Variants in MSI2 observed in about 807,000 individuals in gnomAD.
MSI2 encodes the protein musashi RNA binding protein 2.
MSI2 carries 17 observed loss-of-function variants against 45.6 expected under a neutral mutation model. That is an observed-to-expected ratio of 0.37 (90% CI 0.26 to 0.56). MSI2 has a LOEUF of 0.56. MSI2 is among the 20% of genes least tolerant of loss of function. MSI2 has a pLI of 0.77. For missense variants in MSI2, 293 were observed against 444.2 expected (o/e 0.66, Z 3.06); for synonymous variants, 156 against 158.2 (o/e 0.99, Z 0.11).
chr17:57,614,995 T>C (rs1907539481), intron 8 of MSI2, among the ~76,000 whole-genome samples: 1 of 152,190 alleles, frequency 6.6e-6, no homozygotes, highest in African/African-American at 2.4e-5. Context: ...TTTAATCTTA[T>C]TACTTCCCTC....
intron 5 of MSI2, among the ~76,000 whole-genome samples, chr17:57,317,106 T>C (rs1328731908): frequency 6.6e-6 from 1 of 152,160 alleles, no homozygotes; most frequent in Non-Finnish European, 1.5e-5. Context: ...GCATGCCACC[T>C]AGACTAGGGG....
chr17:57,418,333 T>A (rs551957366), intron 6 of MSI2, among the ~76,000 whole-genome samples: 1 of 152,264 alleles, frequency 6.6e-6, no homozygotes, highest in African/African-American at 2.4e-5. Flanking sequence ...GGCATGGCTA[T>A]GCTCATTTGA....
At chr17:57,458,402 A>G (rs1052826080) in intron 6 of MSI2, among the ~76,000 whole-genome samples, 3 of 152,184 alleles carry the variant, frequency 2.0e-5, no homozygotes, top group Non-Finnish European at 4.4e-5. Context: ...GCCCGGCCAC[A>G]TATTTTTAAT....
intron 8 of MSI2, among the ~76,000 whole-genome samples, chr17:57,612,923 G>A (rs1161534018): frequency 2.0e-5 from 3 of 152,108 alleles, no homozygotes; most frequent in South Asian, 2.1e-4. Context: ...TGCGAGACAC[G>A]CCCATCTTCC....
chr17:57,260,106 T>C (rs557497148), intron 4 of MSI2: 1 of 152,332 alleles, frequency 6.6e-6, no homozygotes, highest in Admixed American at 6.5e-5. Flanking sequence ...CTAGAGGACT[T>C]GTAGATACAG....
chr17:57,416,155 T>G (rs1447263795), intron 6 of MSI2, among the ~76,000 whole-genome samples: 1 of 152,166 alleles, frequency 6.6e-6, no homozygotes, highest in Non-Finnish European at 1.5e-5. Context: ...ACCATCTTAA[T>G]GGTGGTGTCC....
intron 6 of MSI2, among the ~76,000 whole-genome samples, chr17:57,512,888 G>A (rs1017307463): frequency 4.6e-5 from 7 of 151,640 alleles, no homozygotes; most frequent in Non-Finnish European, 1.0e-4. Flanking sequence ...TGACCAGCTC[G>A]CTGAGGATGT....
rs1043700817 is a variant in MSI2, at chr17:57,495,201, C to T, written c.406-34475C>T. The stretch of plus-strand genomic sequence containing the variant: ...TTACCCACTGAGTTAATGTCCAAAC[C>T]GGGTCAAGAACCTGGGGATCCTCAC... On this transcript the variant is annotated intron_variant, in intron 6 of 13. Transcript: ENST00000284073. Among the ~76,000 whole-genome samples, 19 of 152,168 alleles carry T rather than the reference C, an allele frequency of 1.2e-4. 1 individual carries two copies. Among genetic ancestry groups the T allele is most frequent in the Admixed American group, 5.9e-4 (9 of 15,294 alleles).
chr17:57,485,623 C>T (rs932441420), intron 6 of MSI2, among the ~76,000 whole-genome samples: 2 of 152,188 alleles, frequency 1.3e-5, no homozygotes, highest in Non-Finnish European at 2.9e-5. Flanking sequence ...TCCTGCAGAC[C>T]TTCACGGAGC....
At chr17:57,509,313 G>C (rs2086301061) in intron 6 of MSI2, among the ~76,000 whole-genome samples, 1 of 152,148 alleles carries the variant, frequency 6.6e-6, no homozygotes, top group Non-Finnish European at 1.5e-5. Context: ...GAGGGGGAGA[G>C]TGAGGAAGAA....
the MSI2 span, among the ~76,000 whole-genome samples, chr17:57,696,231 A>G: frequency 6.6e-6 from 1 of 152,166 alleles, no homozygotes; most frequent in Admixed American, 6.5e-5. Context: ...TCCTCCCGCC[A>G]TGTTGGGAGA....
At position 57,325,791 on chromosome 17, in the gene MSI2, C is replaced by A. The variant is rs903739189; in HGVS notation, c.312+63599C>A. 3.3e-5 allele frequency among the ~76,000 whole-genome samples: 5 copies of A among 152,184 alleles called. 1 individual carries two copies. Among genetic ancestry groups the A allele is most frequent in the South Asian group, 4.1e-4 (2 of 4,826 alleles). On this transcript the variant is annotated intron_variant, in intron 5 of 13. Coordinates refer to ENST00000284073, the MANE Select transcript of MSI2 (RefSeq NM_138962.4). ...GATCAGATCAAATTCTTAAGGGGCT[C>A]CCATACGGATGCCTGCCGTACCAAG...
At chr17:57,585,296 G>A (rs1210414280) in intron 7 of MSI2, among the ~76,000 whole-genome samples, 1 of 152,206 alleles carries the variant, frequency 6.6e-6, no homozygotes, top group Non-Finnish European at 1.5e-5. Context: ...AGAGACAAAA[G>A]TAAGCATGTG....
In MSI2 at chr17:57,652,221, C is replaced by A; in HGVS notation, c.790+60C>A. 4 of 1,502,712 alleles carry A rather than the reference C, an allele frequency of 2.7e-6. No individual in the cohort carries two copies. The South Asian group carries it at 4.5e-5, about 17-fold the overall frequency. 93.1% of individuals were successfully genotyped at this position (1,502,712 alleles called of 1,614,324 possible). A position where few individuals can be genotyped will look rare whatever the true frequency, so the allele number is the denominator to read the frequency against. The stretch of plus-strand genomic sequence containing the variant: ...ATGCCCCCAGTGTGCAGGGGGAGGT[C>A]AAGGCCCTGTCGGATCTGTGTGGCT... On this transcript the variant is annotated intron_variant, in intron 11 of 13. Transcript: ENST00000284073. The surrounding 1 kb of genome is among the most constrained non-coding windows in gnomAD (Gnocchi z 4.1).
chr17:57,514,659 T>A (rs549072831), intron 6 of MSI2, among the ~76,000 whole-genome samples: 1 of 151,822 alleles, frequency 6.6e-6, no homozygotes, highest in Non-Finnish European at 1.5e-5. Flanking sequence ...ACTTTTTTTT[T>A]TTTTTTTTTT....
At chr17:57,545,188 C>T (rs144440748) in intron 7 of MSI2, among the ~76,000 whole-genome samples, 2 of 151,950 alleles carry the variant, frequency 1.3e-5, no homozygotes, top group Non-Finnish European at 2.9e-5. Context: ...TTAAGTAGAG[C>T]GTTAATGCAA....
At position 57,505,608 on chromosome 17, in the gene MSI2, T is replaced by G. The variant is rs77286837; in HGVS notation, c.406-24068T>G. On this transcript the variant is annotated intron_variant, in intron 6 of 13. Transcript: ENST00000284073. ...CACCAGAGTTGCTTAAGCAGAAATGTGTACAACTTGGTAGGCTATTCACTC... is the reference window on the plus strand; with the variant it reads ...CACCAGAGTTGCTTAAGCAGAAATGGGTACAACTTGGTAGGCTATTCACTC... Among the ~76,000 whole-genome samples, 9 of 152,304 alleles carry G rather than the reference T, an allele frequency of 5.9e-5. No individual in the cohort carries two copies. The East Asian group carries it at 1.7e-3, about 29-fold the overall frequency.
At chr17:57,644,064 C>G (rs1193766888) in intron 10 of MSI2, among the ~76,000 whole-genome samples, 1 of 152,236 alleles carries the variant, frequency 6.6e-6, no homozygotes, top group African/African-American at 2.4e-5. Flanking sequence ...CCCAGCACCC[C>G]CTTCCCCAAC....
intron 6 of MSI2, among the ~76,000 whole-genome samples, chr17:57,423,076 T>C (rs901328298): frequency 1.3e-4 from 20 of 152,164 alleles, no homozygotes; most frequent in African/African-American, 4.3e-4. Context: ...CTTTAATGAG[T>C]CCTTCAGATA....
Sources: gnomAD v4.1 joint callset for allele counts (sites outside exome capture counted in the v4.1 genomes callset) on GRCh38, gnomAD v4.1.1 for gene constraint, Gnocchi (gnomAD v3.1) non-coding constraint, MANE v1.5 for transcripts, NCBI Gene and HGNC (gene_info 2026-07-23, HGNC 2026-07-21) for gene names.